The following TMEM268 variants were observed in gnomAD, a reference collection of about 807,000 sequenced individuals.
TMEM268 encodes transmembrane protein C9orf91.
In TMEM268, 24 loss-of-function variants were observed where a neutral mutation model predicts 39.1. The observed-to-expected ratio is 0.61, with a 90% CI of 0.44 to 0.86. The LOEUF (loss-of-function observed/expected upper bound fraction) is 0.86, where lower values mean the gene tolerates loss of function less well. Among genes scored for constraint, TMEM268 ranks in the 40% least tolerant of loss-of-function variants. The pLI, the probability that TMEM268 is intolerant of heterozygous loss-of-function variation, is 0.00. For missense variants in TMEM268, 409 were observed against 428.6 expected, an observed-to-expected ratio of 0.95 and a Z score of 0.40; for synonymous variants, 176 against 173.5, an observed-to-expected ratio of 1.01 and a Z score of -0.12.
upstream of TMEM268, among the ~76,000 whole-genome samples, chr9:114,607,381 C>T (rs10448251): frequency 0.084 from 12,837 of 152,114 alleles, 606 homozygotes; most frequent in South Asian, 0.14. Flanking sequence ...TAGGGCTGGA[C>T]GCAGTGGCTT....
At chr9:114,607,548 G>C (rs1419859949), upstream of TMEM268, among the ~76,000 whole-genome samples, 1 of 152,158 alleles carries the variant, frequency 6.6e-6, no homozygotes, top group African/African-American at 2.4e-5. Flanking sequence ...CCAGATACTT[G>C]GGAGGCTGAG....
chr9:114,609,701 GA>G (rs1304112606), upstream of TMEM268, among the ~76,000 whole-genome samples: 2 of 95,546 alleles, frequency 2.1e-5, no homozygotes, highest in East Asian at 2.8e-4. Context: ...AAAAGAAAAA[GA>G]AAAAGAAAAA....
intron 1 of TMEM268, among the ~76,000 whole-genome samples, chr9:114,612,224 T>TGGGGG: frequency 6.6e-6 from 1 of 152,280 alleles, no homozygotes; most frequent in East Asian, 1.9e-4. Context: ...TCTGCAGAGC[T>TGGGGG]GGGGGCCTTT....
chr9:114,620,250 ACTTAT>A (rs773768101), intron 2 of TMEM268, among the ~76,000 whole-genome samples: 1 of 151,688 alleles, frequency 6.6e-6, no homozygotes, highest in Admixed American at 6.6e-5. Context: ...TTAGTTACTT[ACTTAT>A]TTTTTTTGAG....
Position 114,638,550 on chromosome 9 carries a change from C to A in TMEM268, c.673C>A (p.Leu225Met). Residue 225 changes from leucine (L) to methionine (M), a missense_variant, in exon 8 of 9, where the codon CTG becomes ATG. Transcript: ENST00000288502. Reference sequence around the variant, plus strand: ...TTCTCTGTTTCCTTTGCAGTCCTTGCTGAGAAGCAGATTGAGCCAGTTGTG... The same window carrying A: ...TTCTCTGTTTCCTTTGCAGTCCTTGATGAGAAGCAGATTGAGCCAGTTGTG... ...QEMKTSQESL[L>M]RSRLSQLCVV... The A allele has an allele frequency of 6.4e-7, 1 of 1,572,230 alleles. No homozygotes were observed. Among genetic ancestry groups the A allele is most frequent in the Non-Finnish European group, 8.6e-7 (1 of 1,159,382 alleles).
intron 6 of TMEM268, among the ~76,000 whole-genome samples, chr9:114,636,778 G>A (rs1212088044): frequency 6.6e-6 from 1 of 152,200 alleles, no homozygotes; most frequent in Non-Finnish European, 1.5e-5. Context: ...TGGGATTACA[G>A]GTGTGAGCCA....
upstream of TMEM268, among the ~76,000 whole-genome samples, chr9:114,608,892 A>C (rs1845401098): frequency 1.3e-5 from 2 of 152,122 alleles, no homozygotes; most frequent in South Asian, 4.1e-4. Context: ...TCTACTTCTC[A>C]GGTTGCCAAT....
intron 1 of TMEM268, chr9:114,615,497 T>C (rs1020476929): frequency 3.9e-5 from 6 of 152,910 alleles, no homozygotes; most frequent in African/African-American, 1.2e-4. Context: ...GAGAAAAGAG[T>C]AGAACAAGGA....
chr9:114,644,078 T>A lies in TMEM268; in HGVS notation c.*765T>A, dbSNP rs1827471320. 1 of 152,334 alleles carries A rather than the reference T, an allele frequency of 6.6e-6. No individual in the cohort carries two copies. The highest frequency in any genetic ancestry group is 2.1e-4 in the South Asian group (1 of 4,832). The allele number at this position is 152,334 out of a possible 1,614,324, so 9.4% of individuals were successfully genotyped here. A position where few individuals can be genotyped will look rare whatever the true frequency, so the allele number is the denominator to read the frequency against. On this transcript the variant is annotated 3_prime_UTR_variant, in exon 9 of 9. Transcript: ENST00000288502. ...GTTTTATATTACAGATGTAGAACAA[T>A]GGTTATGTTTCCCGACATGAACATT...
At position 114,644,999 on chromosome 9, in the gene TMEM268, T is replaced by G. The variant is rs1239742951; in HGVS notation, c.*1686T>G. The G allele has an allele frequency of 6.6e-6, 1 of 152,158 alleles. No individual in the cohort carries two copies. The highest frequency in any genetic ancestry group is 1.5e-5 in the Non-Finnish European group (1 of 68,088). The allele number at this position is 152,158 out of a possible 1,614,324, so 9.4% of individuals were successfully genotyped here. A position where few individuals can be genotyped will look rare whatever the true frequency, so the allele number is the denominator to read the frequency against. On this transcript the variant is annotated 3_prime_UTR_variant, in exon 9 of 9. Coordinates refer to ENST00000288502, the MANE Select transcript of TMEM268 (RefSeq NM_153045.4). The stretch of plus-strand genomic sequence containing the variant: ...TTTTAGTAGAGATGGGGTTTCGCCA[T>G]GTTGGCCAAGCTGGTCTTGAACTCC...
At chr9:114,615,628 C>T (rs1845673337) in intron 1 of TMEM268, 1 of 151,406 alleles carries the variant, frequency 6.6e-6, no homozygotes. Context: ...CAAAACAAAC[C>T]ACCACTGTCT....
upstream of TMEM268, among the ~76,000 whole-genome samples, chr9:114,610,735 ACTAT>A (rs1487853179): frequency 5.3e-5 from 8 of 152,176 alleles, no homozygotes; most frequent in Admixed American, 1.3e-4. Context: ...TTTCACACAC[ACTAT>A]CTCATTAAAT....
intron 7 of TMEM268, 25 bp downstream of exon 7, chr9:114,637,095 A>T (rs1310534749): frequency 4.0e-6 from 6 of 1,514,672 alleles, no homozygotes; most frequent in Admixed American, 1.7e-5. Context: ...GTGAAAAAAC[A>T]AAACAAAAAC....
At chr9:114,611,016 T>TC (rs1239460224), upstream of TMEM268, among the ~76,000 whole-genome samples, 1 of 151,674 alleles carries the variant, frequency 6.6e-6, no homozygotes, top group Non-Finnish European at 1.5e-5. Context: ...AGGTCAGGAG[T>TC]CCGATAGCAG....
At chr9:114,609,941 A>G (rs1323467807), upstream of TMEM268, among the ~76,000 whole-genome samples, 3 of 152,218 alleles carry the variant, frequency 2.0e-5, no homozygotes, top group African/African-American at 7.2e-5. Context: ...AAGGCCTGTC[A>G]GCAAGGCTGG....
chr9:114,607,702 A>G (rs1038766990), upstream of TMEM268, among the ~76,000 whole-genome samples: 3 of 152,148 alleles, frequency 2.0e-5, no homozygotes, highest in Admixed American at 6.5e-5. Flanking sequence ...AAGAGTAACT[A>G]TGAGAATGAA....
chr9:114,633,813 C>A lies in TMEM268; in HGVS notation c.520C>A (p.Leu174Ile). The change falls in exon 6 of 9, where the codon CTC becomes ATC. Residue 174 changes from leucine (L) to isoleucine (I), a missense_variant. Coordinates refer to ENST00000288502, the MANE Select transcript of TMEM268 (RefSeq NM_153045.4). ...DLRLAAANGA[L>I]LRHRVLLGVT... Reference sequence around the variant, plus strand: ...GAGGCTGGCAGCTGCCAATGGAGCCCTCCTGAGACACCGGGTGCTGCTGGG... The same window carrying A: ...GAGGCTGGCAGCTGCCAATGGAGCCATCCTGAGACACCGGGTGCTGCTGGG... 1 of 1,606,400 alleles carries A rather than the reference C, an allele frequency of 6.2e-7. No homozygotes were observed. The highest frequency in any genetic ancestry group is 1.1e-5 in the South Asian group (1 of 90,060).
Position 114,628,190 on chromosome 9 carries a change from C to G in TMEM268, c.414C>G (p.Thr138=), listed in dbSNP as rs369630298. The change falls in exon 5 of 9, where the codon ACC becomes ACG. Residue 138 remains threonine, a synonymous_variant. Coordinates refer to ENST00000288502, the MANE Select transcript of TMEM268 (RefSeq NM_153045.4). ...ACTGGGCTGGCATGCTGCTCGTGAC[C>G]CTGGCCGCGGTGAGCCTGACCTTGA... The part of the protein sequence containing the change: ...GNHWAGMLLV[T]LAAVSLTLTL... The G allele has an allele frequency of 5.0e-6, 8 of 1,614,168 alleles. No homozygotes were observed. Among genetic ancestry groups the G allele is most frequent in the Non-Finnish European group, 6.8e-6 (8 of 1,180,042 alleles).
chr9:114,612,754 A>G (rs980254590), intron 1 of TMEM268, among the ~76,000 whole-genome samples: 1 of 152,014 alleles, frequency 6.6e-6, no homozygotes, highest in Non-Finnish European at 1.5e-5. Context: ...CCCCACCCCA[A>G]CCAAGGTGCT....
Sources: allele counts gnomAD v4.1 joint callset (sites outside exome capture counted in the v4.1 genomes callset), GRCh38; gene constraint gnomAD v4.1.1; transcripts MANE v1.5; gene names NCBI Gene and HGNC (gene_info 2026-07-23, HGNC 2026-07-21).